USP47: variants seen among roughly 807,000 people sequenced by gnomAD.
USP47 encodes ubiquitin specific peptidase 47.
A neutral mutation model predicts 165.1 loss-of-function variants in USP47; 35 were observed. The ratio of observed to expected loss-of-function variants is 0.21; its 90% CI spans 0.16 to 0.28. USP47 has a LOEUF of 0.28. Ranked by LOEUF, USP47 falls within the 10% of genes least tolerant of loss-of-function variation. USP47 has a pLI of 1.00. For missense variants in USP47, 1,277 were observed against 1,607.4 expected (o/e 0.79, Z 3.52); for synonymous variants, 531 against 544.5 (o/e 0.98, Z 0.35).
chr11:11,902,544 T>C (rs1057355519), intron 5 of USP47, among the ~76,000 whole-genome samples, 171 bp from the exon 6 acceptor site: 1 of 152,192 alleles, frequency 6.6e-6, no homozygotes, highest in Non-Finnish European at 1.5e-5. Context: ...TCTGAATTTA[T>C]GAATTAGGGA....
intron 4 of USP47, among the ~76,000 whole-genome samples, chr11:11,896,250 A>AT (rs1296055034): frequency 1.3e-5 from 2 of 152,128 alleles, no homozygotes; most frequent in Admixed American, 6.5e-5. Flanking sequence ...CCCCGAAAAC[A>AT]TTTTTTTAAG....
rs1564900552 is a variant in USP47, at chr11:11,959,109, G to C, written c.*2934G>C. The C allele has an allele frequency of 6.6e-6, 1 of 152,206 alleles. No individual in the cohort carries two copies. 9.4% of individuals were successfully genotyped at this position (152,206 alleles called of 1,614,324 possible). ...CAGTGTTGTTACTAAATCTGGAAGT[G>C]ACCTGTGAATGTATGGAATACAATA... On this transcript the variant is annotated 3_prime_UTR_variant, in exon 28 of 28. Transcript: ENST00000527733.
At chr11:11,873,099 T>A (rs1411877773) in intron 1 of USP47, among the ~76,000 whole-genome samples, 2 of 152,160 alleles carry the variant, frequency 1.3e-5, no homozygotes, top group Non-Finnish European at 2.9e-5. Context: ...ATTTTAGAGT[T>A]GCTTTTCAGA....
At position 11,884,999 on chromosome 11, in the gene USP47, C is replaced by G. The variant is rs531675906; in HGVS notation, c.357+419C>G. Among the ~76,000 whole-genome samples the G allele has an allele frequency of 7.9e-5, 12 of 152,310 alleles. 1 individual carries two copies. The South Asian group carries it at 2.5e-3, about 32-fold the overall frequency. ...TCTGCAAGAAGGTCATTTCCGTTCT[C>G]ACTTCCTCCCCTAACCTGCCACCTT... On this transcript the variant is annotated intron_variant, in intron 3 of 27. Transcript: ENST00000527733.
At position 11,929,515 on chromosome 11, in the gene USP47, T is replaced by G; in HGVS notation, c.1468T>G (p.Ser490Ala). The G allele has an allele frequency of 6.2e-7, 1 of 1,613,344 alleles. No individual in the cohort carries two copies. Among genetic ancestry groups the G allele is most frequent in the Non-Finnish European group, 8.5e-7 (1 of 1,179,420 alleles). The change falls in exon 12 of 28, where the codon TCA (serine) becomes GCA (alanine). Residue 490 changes from serine (S) to alanine (A), a missense_variant. Around this residue, in one of 4 missense-constraint regions of USP47, gnomAD observed 909 missense variants for 1,068.1 expected, o/e 0.85. Coordinates refer to ENST00000527733, the MANE Select transcript of USP47 (RefSeq NM_001282659.2). ...AGGHYYACIKSFSDEQWYSFN... is the reference protein window; with the variant it reads ...AGGHYYACIKAFSDEQWYSFN... ...TGGTCATTATTATGCATGTATAAAG[T>G]CATTCAGTGATGAGCAGTGGTACAG...
chr11:11,849,209 C>T (rs1416610902), intron 1 of USP47, among the ~76,000 whole-genome samples: 1 of 152,188 alleles, frequency 6.6e-6, no homozygotes, highest in Non-Finnish European at 1.5e-5. Context: ...AGCCTGTATA[C>T]ATCAGTATTT....
rs565102635 is a variant in USP47, at chr11:11,878,452, A to G, written c.40-1725A>G. Among the ~76,000 whole-genome samples, 10 of 152,180 alleles carry G rather than the reference A, an allele frequency of 6.6e-5. 1 individual carries two copies. In the East Asian group the frequency reaches 1.5e-3, roughly 23 times the overall value. On this transcript the variant is annotated intron_variant, in intron 1 of 27. Coordinates refer to ENST00000527733, the MANE Select transcript of USP47 (RefSeq NM_001282659.2). ...ATTTTGAGTCATTTACTCTTTCATCATAAACCAGCATTTTTAAAAAGATCT... is the reference window on the plus strand; with the variant it reads ...ATTTTGAGTCATTTACTCTTTCATCGTAAACCAGCATTTTTAAAAAGATCT...
rs759245328 is a variant in USP47, at chr11:11,955,989, T to C, written c.3894-12T>C. On this transcript the variant is annotated splice_polypyrimidine_tract_variant and intron_variant, in intron 27 of 27. Coordinates refer to ENST00000527733, the MANE Select transcript of USP47 (RefSeq NM_001282659.2). ...CTACTGGACTAATATGTGATTAATA[T>C]TTTATATGTAGGGATAAAACAGAAG... 57 of 1,537,538 alleles carry C rather than the reference T, an allele frequency of 3.7e-5. No homozygotes were observed. In the East Asian group the frequency reaches 1.3e-3, roughly 34 times the overall value.
chr11:11,949,063 A>C lies in USP47; in HGVS notation c.3348+505A>C, dbSNP rs548088114. On this transcript the variant is annotated intron_variant, in intron 22 of 27. Coordinates refer to ENST00000527733, the MANE Select transcript of USP47 (RefSeq NM_001282659.2). ...CTTGCAAATATTAACTCATTTAATC[A>C]TCAGTTAACTAAGATACAAGCACTA... The C allele has an allele frequency of 9.4e-4, 143 of 152,862 alleles. 1 individual carries two copies. Among genetic ancestry groups the C allele is most frequent in the Non-Finnish European group, 1.5e-3 (103 of 68,400 alleles). 9.5% of individuals were successfully genotyped at this position (152,862 alleles called of 1,614,324 possible). A position where few individuals can be genotyped will look rare whatever the true frequency, so the allele number is the denominator to read the frequency against.
Position 11,842,839 on chromosome 11 carries a change from C to CTT in USP47, c.39+635_39+636dup, listed in dbSNP as rs56251946. ...ACATTACCACATGGAGAGCTGAACT[C>CTT]TTTTTTTTTTTTTTTTTTTTTGAGG... On this transcript the variant is annotated intron_variant, in intron 1 of 27. Transcript: ENST00000527733. Among the ~76,000 whole-genome samples, 359 of 111,298 alleles carry CTT rather than the reference C, an allele frequency of 3.2e-3. 4 individuals are homozygous for CTT. Among genetic ancestry groups the CTT allele is most frequent in the African/African-American group, 0.011 (328 of 29,560 alleles). 73.0% of individuals were successfully genotyped at this position (111,298 alleles called of 152,430 possible).
intron 2 of USP47, among the ~76,000 whole-genome samples, chr11:11,883,592 CAT>C (rs2134324566): frequency 6.6e-6 from 1 of 152,240 alleles, no homozygotes; most frequent in African/African-American, 2.4e-5. Context: ...AGACTCTGCC[CAT>C]GTCTTTGAAA....
chr11:11,924,606 G>C (rs1305044368), intron 11 of USP47, among the ~76,000 whole-genome samples: 1 of 151,996 alleles, frequency 6.6e-6, no homozygotes, highest in African/African-American at 2.4e-5. Context: ...TTTAGAAAGT[G>C]GTTAATTATT....
intron 24 of USP47, chr11:11,951,956 A>C (rs992373299): frequency 2.6e-5 from 4 of 152,210 alleles, no homozygotes; most frequent in African/African-American, 9.7e-5. Flanking sequence ...GATTCATCTG[A>C]AAATGGTACT....
At chr11:11,875,338 A>G (rs1850340616) in intron 1 of USP47, among the ~76,000 whole-genome samples, 1 of 152,188 alleles carries the variant, frequency 6.6e-6, no homozygotes, top group East Asian at 1.9e-4. Context: ...AATAAGAAAT[A>G]CATAGGAGTA....
At chr11:11,947,575 C>G (rs1433523802) in intron 20 of USP47, among the ~76,000 whole-genome samples, 1 of 152,144 alleles carries the variant, frequency 6.6e-6, no homozygotes, top group South Asian at 2.1e-4. Flanking sequence ...AGGCTGGCGC[C>G]GTGTCCCATA....
chr11:11,899,040 T>C (rs1852024120), intron 5 of USP47, among the ~76,000 whole-genome samples: 2 of 152,234 alleles, frequency 1.3e-5, no homozygotes, highest in South Asian at 4.1e-4. Flanking sequence ...TGCTAGAAGT[T>C]GCACCTAGTA....
chr11:11,901,372 ATTG>A (rs1852218127), intron 5 of USP47, among the ~76,000 whole-genome samples: 1 of 152,184 alleles, frequency 6.6e-6, no homozygotes, highest in Admixed American at 6.6e-5. Context: ...TAACATTAAT[ATTG>A]TTGTTACTTA....
chr11:11,865,201 A>G (rs1849603285), intron 1 of USP47, among the ~76,000 whole-genome samples: 1 of 152,060 alleles, frequency 6.6e-6, no homozygotes, highest in South Asian at 2.1e-4. Context: ...TCTTTTGCCA[A>G]ATTTGGGAAG....
chr11:11,860,060 C>T (rs1380417479), intron 1 of USP47, among the ~76,000 whole-genome samples: 3 of 148,314 alleles, frequency 2.0e-5, no homozygotes, highest in Non-Finnish European at 4.5e-5. Flanking sequence ...GCCAAGATCG[C>T]GCCACTGCAC....
Sources: allele counts gnomAD v4.1 joint callset (sites outside exome capture counted in the v4.1 genomes callset), GRCh38; gene constraint gnomAD v4.1.1; regional missense constraint gnomAD v4.1.1; transcripts MANE v1.5; gene names NCBI Gene and HGNC (gene_info 2026-07-23, HGNC 2026-07-21).